The following NCEH1 variants were observed in gnomAD, a reference collection of about 807,000 sequenced individuals.
NCEH1 encodes 2-acetyl MAGE hydrolase.
NCEH1 carries 9 observed loss-of-function variants against 25.4 expected under a neutral mutation model. The ratio of observed to expected loss-of-function variants is 0.35; its 90% CI spans 0.21 to 0.62. The LOEUF (loss-of-function observed/expected upper bound fraction) is 0.62, where lower values mean the gene tolerates loss of function less well. NCEH1 is among the 20% of genes least tolerant of loss of function. NCEH1 has a pLI of 0.72. For missense variants in NCEH1, 412 were observed against 501.1 expected (o/e 0.82, Z 1.70); for synonymous variants, 200 against 199.8 (o/e 1.00, Z -0.01).
intron 2 of NCEH1, among the ~76,000 whole-genome samples, chr3:172,647,335 C>T (rs1317257078): frequency 1.3e-5 from 2 of 152,172 alleles, no homozygotes; most frequent in African/African-American, 4.8e-5. Context: ...TCATCCAAAT[C>T]TAAAGAAAAT....
Position 172,636,026 on chromosome 3 carries a change from T to C in NCEH1, c.499A>G (p.Lys167Glu). Residue 167 changes from lysine to glutamate, a missense_variant, in exon 4 of 5, where the codon AAG becomes GAG. Physicochemically the swap from Lys to Glu is moderately conservative, Grantham distance 56 (BLOSUM62 1). Coordinates refer to ENST00000475381, the MANE Select transcript of NCEH1 (RefSeq NM_020792.6). ...EQIHDVVRAT[K>E]YFLKPEVLQK... ...AAGACTTCTGGCTTCAGGAAATACT[T>C]TGTGGCCCGTACAACATCATGAATT... The C allele has an allele frequency of 1.9e-6, 3 of 1,614,148 alleles. No individual in the cohort carries two copies. Among genetic ancestry groups the C allele is most frequent in the South Asian group, 1.1e-5 (1 of 91,076 alleles).
intron 2 of NCEH1, among the ~76,000 whole-genome samples, chr3:172,647,670 A>G (rs985223135): frequency 6.6e-6 from 1 of 152,202 alleles, no homozygotes; most frequent in Non-Finnish European, 1.5e-5. Context: ...TTTACAAAGG[A>G]TAACCATTTA....
intron 1 of NCEH1, among the ~76,000 whole-genome samples, chr3:172,676,138 G>C (rs559531919): frequency 6.6e-6 from 1 of 152,282 alleles, no homozygotes; most frequent in South Asian, 2.1e-4. Flanking sequence ...TTCTCTTGAG[G>C]GGGGAAATAA....
chr3:172,699,215 G>C (rs1182427239), intron 1 of NCEH1, among the ~76,000 whole-genome samples: 1 of 152,132 alleles, frequency 6.6e-6, no homozygotes, highest in Non-Finnish European at 1.5e-5. Context: ...ATTGCCCAAA[G>C]TAAAAGGGTG....
intron 1 of NCEH1, among the ~76,000 whole-genome samples, chr3:172,707,913 C>T (rs115231608): frequency 1.3e-5 from 2 of 152,360 alleles, no homozygotes; most frequent in African/African-American, 2.4e-5. Context: ...CTGCTAAGAA[C>T]GTTCATCTCC....
intron 1 of NCEH1, among the ~76,000 whole-genome samples, chr3:172,658,393 T>C (rs1304244119): frequency 6.6e-6 from 1 of 152,216 alleles, no homozygotes; most frequent in African/African-American, 2.4e-5. Context: ...TTCCCTTATT[T>C]CTTTTACTCA....
At chr3:172,670,562 A>T (rs1434261198) in intron 1 of NCEH1, among the ~76,000 whole-genome samples, 1 of 152,248 alleles carries the variant, frequency 6.6e-6, no homozygotes, top group Non-Finnish European at 1.5e-5. Flanking sequence ...AGCTTAAAGC[A>T]GCAAGGGACT....
At chr3:172,689,233 T>C (rs147636302) in intron 1 of NCEH1, among the ~76,000 whole-genome samples, 13 of 148,728 alleles carry the variant, frequency 8.7e-5, no homozygotes, top group African/African-American at 3.3e-4. Flanking sequence ...ATGTACCTCA[T>C]GAAATGACTT....
intron 3 of NCEH1, among the ~76,000 whole-genome samples, chr3:172,639,616 A>G (rs1716757304): frequency 6.6e-6 from 1 of 152,198 alleles, no homozygotes; most frequent in South Asian, 2.1e-4. Context: ...TGATACGTAA[A>G]TATCAAAGAT....
Position 172,700,831 on chromosome 3 carries a change from A to G in NCEH1, c.138+10016T>C, listed in dbSNP as rs139169417. On this transcript the variant is annotated intron_variant, in intron 1 of 4. Coordinates refer to ENST00000475381, the MANE Select transcript of NCEH1 (RefSeq NM_020792.6). ...TCTGAACCTCAAGTTCCCTTAGCTGACAAATGGAAATAACAATGGCAACCA... is the reference window on the plus strand; with the variant it reads ...TCTGAACCTCAAGTTCCCTTAGCTGGCAAATGGAAATAACAATGGCAACCA... Among the ~76,000 whole-genome samples, 306 of 152,244 alleles carry G rather than the reference A, an allele frequency of 2.0e-3. 2 individuals carry two copies. The highest frequency in any genetic ancestry group is 7.0e-3 in the African/African-American group (290 of 41,518).
intron 1 of NCEH1, among the ~76,000 whole-genome samples, chr3:172,666,303 G>A (rs1325704771): frequency 6.6e-6 from 1 of 152,142 alleles, no homozygotes; most frequent in African/African-American, 2.4e-5. Flanking sequence ...ATGGCAACCT[G>A]CATTTGCATA....
Position 172,710,834 on chromosome 3 carries a change from G to A in NCEH1, c.138+13C>T, listed in dbSNP as rs751023831. 23 of 1,613,456 alleles carry A rather than the reference G, an allele frequency of 1.4e-5. No individual in the cohort carries two copies. In the African/African-American group the frequency reaches 1.9e-4, roughly 13 times the overall value. On this transcript the variant is annotated intron_variant, in intron 1 of 4. Coordinates refer to ENST00000475381, the MANE Select transcript of NCEH1 (RefSeq NM_020792.6). ...GAGGAGGAAGAGAGAAGCAGCGCTG[G>A]GCTGCACCTCACCACTTGCTGTGCA...
chr3:172,661,010 C>T (rs1389231254), intron 1 of NCEH1, among the ~76,000 whole-genome samples: 4 of 152,172 alleles, frequency 2.6e-5, no homozygotes, highest in African/African-American at 9.6e-5. Flanking sequence ...GCTTTTGCTG[C>T]TATTGCTTTT....
At chr3:172,651,220 C>G (rs1327733773) in intron 1 of NCEH1, among the ~76,000 whole-genome samples, 1 of 152,040 alleles carries the variant, frequency 6.6e-6, no homozygotes, top group Non-Finnish European at 1.5e-5. Context: ...TTTCTAAAAC[C>G]TTGAGGGGCT....
In NCEH1 at chr3:172,633,435, A is replaced by G. The variant is rs767471297; in HGVS notation, c.*40T>C. ...CATGTCTTTCCAAAGCAGGTGTAGG[A>G]GGTCAAGAGGGGCTCGAGGCTTCTG... is the stretch of plus-strand genomic sequence containing the variant. On this transcript the variant is annotated 3_prime_UTR_variant, in exon 5 of 5. Transcript: ENST00000475381. 30 of 1,576,714 alleles carry G rather than the reference A, an allele frequency of 1.9e-5. No homozygotes were observed. The East Asian group carries it at 6.5e-4, about 34-fold the overall frequency.
At chr3:172,664,649 T>C (rs1718122132) in intron 1 of NCEH1, among the ~76,000 whole-genome samples, 1 of 152,164 alleles carries the variant, frequency 6.6e-6, no homozygotes, top group South Asian at 2.1e-4. Flanking sequence ...CTTGGAGGCT[T>C]TGTTTGTCTC....
chr3:172,644,753 G>T (rs1333926294), intron 3 of NCEH1, among the ~76,000 whole-genome samples: 1 of 152,100 alleles, frequency 6.6e-6, no homozygotes, highest in Non-Finnish European at 1.5e-5. Context: ...ATGTTTCCAG[G>T]CACTAATGAT....
At chr3:172,649,465 C>T (rs1717293209) in intron 1 of NCEH1, among the ~76,000 whole-genome samples, 1 of 152,078 alleles carries the variant, frequency 6.6e-6, no homozygotes, top group Admixed American at 6.6e-5. Flanking sequence ...CTACATGTGC[C>T]CTGACATCAA....
rs780937873 is a variant in NCEH1, at chr3:172,636,118, G to A, written c.438-31C>T. 1.9e-6 allele frequency: 3 copies of A among 1,544,270 alleles called. No homozygotes were observed. In the East Asian group the frequency reaches 6.8e-5, roughly 35 times the overall value. ...AAAACAAAAGTTGTATTCATTTAAG[G>A]CCTTCTCCAATTTTGGGGGACATTT... is the stretch of plus-strand genomic sequence containing the variant. On this transcript the variant is annotated intron_variant, in intron 3 of 4. Coordinates refer to ENST00000475381, the MANE Select transcript of NCEH1 (RefSeq NM_020792.6).
Sources: gnomAD v4.1 joint callset for allele counts (sites outside exome capture counted in the v4.1 genomes callset) on GRCh38, gnomAD v4.1.1 for gene constraint, MANE v1.5 for transcripts, NCBI Gene and HGNC (gene_info 2026-07-23, HGNC 2026-07-21) for gene names.